Variants in ZDHHC15 observed in about 807,000 individuals in gnomAD.
The protein encoded by ZDHHC15 is zDHHC palmitoyltransferase 15, also known as palmitoyltransferase ZDHHC15.
ZDHHC15 carries 19 observed loss-of-function variants against 31.7 expected under a neutral mutation model. That is an observed-to-expected ratio of 0.60 (90% CI 0.42 to 0.88). The LOEUF (loss-of-function observed/expected upper bound fraction) is 0.88, where lower values mean the gene tolerates loss of function less well. ZDHHC15 is among the 40% of genes least tolerant of loss of function. The pLI is 0.00. For missense variants in ZDHHC15, 209 were observed against 251.2 expected, an observed-to-expected ratio of 0.83 and a Z score of 1.14; for synonymous variants, 103 against 90.0, an observed-to-expected ratio of 1.14 and a Z score of -0.82.
chrX:75,447,103 C>T (rs1178087272), intron 4 of ZDHHC15, among the ~76,000 whole-genome samples: 1 of 111,645 alleles, frequency 9.0e-6, no homozygotes, highest in Non-Finnish European at 1.9e-5. Context: ...TTGACTTTCA[C>T]TCACCAAGGC....
intron 3 of ZDHHC15, among the ~76,000 whole-genome samples, chrX:75,463,858 A>T (rs942108017): frequency 3.0e-4 from 34 of 112,227 alleles, no homozygotes; most frequent in Non-Finnish European, 5.6e-5. Flanking sequence ...TAGTTCAACC[A>T]TTATGGAAGA....
At chrX:75,405,972 T>G (rs1323550214) in intron 10 of ZDHHC15, among the ~76,000 whole-genome samples, 1 of 112,293 alleles carries the variant, frequency 8.9e-6, no homozygotes, top group Non-Finnish European at 1.9e-5. Flanking sequence ...TTACATTTTC[T>G]TGAGCTTCAT....
intron 1 of ZDHHC15, among the ~76,000 whole-genome samples, chrX:75,520,888 T>C (rs1412510044): frequency 1.8e-5 from 2 of 111,148 alleles, no homozygotes; most frequent in Non-Finnish European, 3.8e-5. Context: ...GTAATTAGAA[T>C]TAGAATATAG....
At chrX:75,420,984 C>A (rs1361071911) in intron 9 of ZDHHC15, among the ~76,000 whole-genome samples, 4 of 110,038 alleles carry the variant, frequency 3.6e-5, no homozygotes, top group African/African-American at 9.9e-5. Context: ...TCAAATTAAT[C>A]TTTGTTCTTG....
intron 2 of ZDHHC15, among the ~76,000 whole-genome samples, chrX:75,499,326 C>A (rs1367809858): frequency 9.0e-6 from 1 of 111,604 alleles, no homozygotes; most frequent in Non-Finnish European, 1.9e-5. Context: ...AAATATTCAG[C>A]AAAGTAAACA....
chrX:75,493,748 A>T (rs2148017849), intron 2 of ZDHHC15, among the ~76,000 whole-genome samples: 1 of 111,644 alleles, frequency 9.0e-6, no homozygotes, highest in African/African-American at 3.3e-5. Context: ...CATGCTAAAA[A>T]CTCTCAGTAA....
At chrX:75,407,874 C>A (rs763462313) in intron 10 of ZDHHC15, among the ~76,000 whole-genome samples, 3 of 105,949 alleles carry the variant, frequency 2.8e-5, no homozygotes, top group African/African-American at 1.0e-4. Context: ...AAGAAAAATT[C>A]TTCTGCCTTG....
chrX:75,375,626 G>A (rs1299218760), intron 11 of ZDHHC15, among the ~76,000 whole-genome samples: 2 of 111,271 alleles, frequency 1.8e-5, no homozygotes, highest in African/African-American at 6.5e-5. Context: ...GGTACTCAAT[G>A]TTTAGCTCCC....
chrX:75,483,870 C>T (rs1307241771), intron 2 of ZDHHC15, among the ~76,000 whole-genome samples: 1 of 111,277 alleles, frequency 9.0e-6, no homozygotes, highest in African/African-American at 3.3e-5. Flanking sequence ...TCCCTATTGC[C>T]TATATGGTGG....
At chrX:75,405,350 A>G (rs944509932) in intron 10 of ZDHHC15, among the ~76,000 whole-genome samples, 1 of 111,048 alleles carries the variant, frequency 9.0e-6, no homozygotes. Flanking sequence ...CCTATATAAG[A>G]AACCTTCACG....
chrX:75,504,346 C>A (rs1351398510), intron 2 of ZDHHC15, among the ~76,000 whole-genome samples: 1 of 111,535 alleles, frequency 9.0e-6, no homozygotes, highest in Admixed American at 9.6e-5. Context: ...CAGTCATATA[C>A]TGTATTGTGT....
intron 7 of ZDHHC15, among the ~76,000 whole-genome samples, chrX:75,425,007 T>G (rs2083694534): frequency 9.0e-6 from 1 of 110,920 alleles, no homozygotes; most frequent in Non-Finnish European, 1.9e-5. Context: ...TTAAGTGCAG[T>G]TCAGTGTAAA....
chrX:75,513,727 T>C (rs1299991137), intron 1 of ZDHHC15, among the ~76,000 whole-genome samples: 1 of 111,081 alleles, frequency 9.0e-6, no homozygotes, highest in Non-Finnish European at 1.9e-5. Flanking sequence ...CTTCATACAT[T>C]TGGTAAAAAA....
At chrX:75,473,546 C>T (rs2084538358) in intron 3 of ZDHHC15, among the ~76,000 whole-genome samples, 1 of 111,263 alleles carries the variant, frequency 9.0e-6, no homozygotes, top group Non-Finnish European at 1.9e-5. Flanking sequence ...ACAGTTTGGG[C>T]TCCTCCTACC....
chrX:75,424,676 C>T lies in ZDHHC15; in HGVS notation c.712G>A (p.Val238Ile), dbSNP rs754900931. 8.3e-7 allele frequency: 1 copy of T among 1,203,235 alleles called. No homozygotes were observed. The highest frequency in any genetic ancestry group is 1.1e-6 in the Non-Finnish European group (1 of 892,147). ...VILFGYHCWL[V>I]SRNKTTLEAF... ...CCTAAGGTGGTTTTGTTTCTGCTGA[C>T]AAGCCAACAATGGTAACCAAAGAGA... is the stretch of plus-strand genomic sequence containing the variant. Residue 238 changes from valine (V) to isoleucine (I), a missense_variant, in exon 8 of 12, where the codon GTC becomes ATC. Transcript: ENST00000373367.
intron 2 of ZDHHC15, among the ~76,000 whole-genome samples, chrX:75,485,119 AACTGTAT>A (rs1379291995): frequency 9.0e-6 from 1 of 111,551 alleles, no homozygotes; most frequent in African/African-American, 3.3e-5. Context: ...AATATTCTGT[AACTGTAT>A]AGTGGTGGTT....
chrX:75,493,350 A>C (rs1167874774), intron 2 of ZDHHC15, among the ~76,000 whole-genome samples: 6 of 111,878 alleles, frequency 5.4e-5, no homozygotes, highest in Non-Finnish European at 9.4e-5. Flanking sequence ...ATTGTACCAG[A>C]GGTACAAGGA....
At chrX:75,518,771 A>ATG (rs1479380453) in intron 1 of ZDHHC15, among the ~76,000 whole-genome samples, 32 of 28,809 alleles carry the variant, frequency 1.1e-3, no homozygotes, top group African/African-American at 4.9e-3. Context: ...ACAAACTGGT[A>ATG]TATATATATA....
At chrX:75,517,501 A>G (rs957240388) in intron 1 of ZDHHC15, among the ~76,000 whole-genome samples, 1 of 101,541 alleles carries the variant, frequency 9.8e-6, no homozygotes, top group Admixed American at 1.1e-4. Context: ...AAAACCAAAC[A>G]CTGCATGTTC....
Sources: allele counts gnomAD v4.1 joint callset (sites outside exome capture counted in the v4.1 genomes callset), GRCh38; gene constraint gnomAD v4.1.1; transcripts MANE v1.5; gene names NCBI Gene and HGNC (gene_info 2026-07-23, HGNC 2026-07-21).